Variants in PPARA observed in about 807,000 individuals in gnomAD.
The protein encoded by PPARA is peroxisome proliferator-activated receptor alpha.
PPARA carries 22 observed loss-of-function variants against 42.2 expected under a neutral mutation model. That is an observed-to-expected ratio of 0.52 (90% CI 0.37 to 0.74). PPARA has a LOEUF of 0.74. Ranked by LOEUF, PPARA falls within the 30% of genes least tolerant of loss-of-function variation. PPARA has a pLI of 0.00. For missense variants in PPARA, 465 were observed against 608.2 expected, an observed-to-expected ratio of 0.76 and a Z score of 2.48; for synonymous variants, 242 against 239.3, an observed-to-expected ratio of 1.01 and a Z score of -0.10.
chr22:46,195,068 A>T lies in PPARA; in HGVS notation c.-42-3274A>T, dbSNP rs1001589322. ...CAGGCGCCTACCACCACGCCCGGCT[A>T]ATTTTTGTATTTTTAGTAGAGACGG... On this transcript the variant is annotated intron_variant, in intron 3 of 8. Coordinates refer to ENST00000407236, the MANE Select transcript of PPARA (RefSeq NM_005036.6). The surrounding 1 kb of genome is among the most constrained non-coding windows in gnomAD (Gnocchi z 4.6). Among the ~76,000 whole-genome samples, 1 of 139,532 alleles carries T rather than the reference A, an allele frequency of 7.2e-6. No homozygotes were observed. Among genetic ancestry groups the T allele is most frequent in the Non-Finnish European group, 1.5e-5 (1 of 64,876 alleles). The allele number at this position is 139,532 out of a possible 152,430, so 91.5% of individuals were successfully genotyped here.
chr22:46,205,378 G>A (rs546202872), intron 4 of PPARA, among the ~76,000 whole-genome samples: 29 of 149,660 alleles, frequency 1.9e-4, no homozygotes, highest in South Asian at 4.3e-4. Context: ...CACCATGCCC[G>A]GGTAAGTTTT....
rs1770770146 is a variant in PPARA, at chr22:46,163,702, GAGAC to G, written c.-127+11735_-127+11738del. 6.6e-6 allele frequency: 1 copy of G among 152,246 alleles called. No individual in the cohort carries two copies. Among genetic ancestry groups the G allele is most frequent in the African/African-American group, 2.4e-5 (1 of 41,454 alleles). 9.4% of individuals were successfully genotyped at this position (152,246 alleles called of 1,614,324 possible). A position where few individuals can be genotyped will look rare whatever the true frequency, so the allele number is the denominator to read the frequency against. On this transcript the variant is annotated intron_variant, in intron 2 of 8. Transcript: ENST00000407236. This position sits in a 1 kb window ranked among gnomAD's most constrained non-coding sequence, Gnocchi z 4.9. ...TTGCCCAGCCAGGGCGGTGGGGAGG[GAGAC>G]AGCCACATCCTGCCCGGGGCTCCTG...
chr22:46,199,804 C>T (rs1569220810), intron 4 of PPARA, among the ~76,000 whole-genome samples: 1 of 152,164 alleles, frequency 6.6e-6, no homozygotes, highest in Non-Finnish European at 1.5e-5. Context: ...CCCACTACAA[C>T]GTCCATCTTC....
chr22:46,184,048 T>C lies in PPARA; in HGVS notation c.-43+7212T>C, dbSNP rs536194502. Among the ~76,000 whole-genome samples the C allele has an allele frequency of 9.2e-5, 14 of 152,288 alleles. No homozygotes were observed. The highest frequency in any genetic ancestry group is 3.1e-4 in the African/African-American group (13 of 41,564). Reference sequence around the variant, plus strand: ...TTGCTGTTACCAGGAAGTGAGTTAATGCACATTAGGTTCTTATTTATGACA... The same window carrying C: ...TTGCTGTTACCAGGAAGTGAGTTAACGCACATTAGGTTCTTATTTATGACA... On this transcript the variant is annotated intron_variant, in intron 3 of 8. Coordinates refer to ENST00000407236, the MANE Select transcript of PPARA (RefSeq NM_005036.6). The surrounding 1 kb of genome is among the most constrained non-coding windows in gnomAD (Gnocchi z 4.4).
intron 2 of PPARA, among the ~76,000 whole-genome samples, chr22:46,154,463 C>G (rs1328078444): frequency 6.6e-6 from 1 of 151,898 alleles, no homozygotes; most frequent in Non-Finnish European, 1.5e-5. Flanking sequence ...ACTAAAAATA[C>G]AAAAATTAGC....
In PPARA at chr22:46,221,019, G is replaced by A. The variant is rs1310322721; in HGVS notation, c.711+1005G>A. ...TGCTATAAAGAAATCCCTGAGACCT[G>A]GTAATTTATAAAGAAAAGAGGTTTA... On this transcript the variant is annotated intron_variant, in intron 7 of 8. Transcript: ENST00000407236. The surrounding 1 kb of genome is among the most constrained non-coding windows in gnomAD (Gnocchi z 5.9). Among the ~76,000 whole-genome samples the A allele has an allele frequency of 6.6e-6, 1 of 151,464 alleles. No individual in the cohort carries two copies. Among genetic ancestry groups the A allele is most frequent in the Non-Finnish European group, 1.5e-5 (1 of 67,992 alleles).
At chr22:46,175,435 C>A (rs888660167) in intron 2 of PPARA, among the ~76,000 whole-genome samples, 1 of 151,954 alleles carries the variant, frequency 6.6e-6, no homozygotes, top group South Asian at 2.1e-4. Flanking sequence ...TCACATAGGC[C>A]GGGCGCGGTG....
In PPARA at chr22:46,212,220, C is replaced by G. The variant is rs562061918; in HGVS notation, c.209-2953C>G. Among the ~76,000 whole-genome samples the G allele has an allele frequency of 6.6e-6, 1 of 151,678 alleles. No homozygotes were observed. Among genetic ancestry groups the G allele is most frequent in the Non-Finnish European group, 1.5e-5 (1 of 67,966 alleles). On this transcript the variant is annotated intron_variant, in intron 4 of 8. Coordinates refer to ENST00000407236, the MANE Select transcript of PPARA (RefSeq NM_005036.6). This position sits in a 1 kb window ranked among gnomAD's most constrained non-coding sequence, Gnocchi z 4.2. ...TACAGGTGCACACCGCTGAGCCCAG[C>G]AAATTTTTGTATTTTTTGTAAAGAT... is the stretch of plus-strand genomic sequence containing the variant.
rs71192405 is a variant in PPARA, at chr22:46,232,981, CAAA to C, written c.1159+760_1159+762del. Reference sequence around the variant, plus strand: ...TGGGCGACGAAGAATGACCCTGTCTCAAAAAAAAAAAAAAAAAAAATTATACAC... The same window carrying C: ...TGGGCGACGAAGAATGACCCTGTCTCAAAAAAAAAAAAAAAAATTATACAC... On this transcript the variant is annotated intron_variant, in intron 8 of 8. Transcript: ENST00000407236. The surrounding 1 kb of genome is among the most constrained non-coding windows in gnomAD (Gnocchi z 5.3). Among the ~76,000 whole-genome samples the C allele has an allele frequency of 1.6e-3, 153 of 93,582 alleles. No individual in the cohort carries two copies. The highest frequency in any genetic ancestry group is 4.5e-3 in the African/African-American group (125 of 28,088). 61.4% of individuals were successfully genotyped at this position (93,582 alleles called of 152,430 possible). A position where few individuals can be genotyped will look rare whatever the true frequency, so the allele number is the denominator to read the frequency against.
At chr22:46,206,836 G>C (rs1359063171) in intron 4 of PPARA, among the ~76,000 whole-genome samples, 2 of 152,046 alleles carry the variant, frequency 1.3e-5, no homozygotes, top group Non-Finnish European at 2.9e-5. Context: ...AAGACTTCCT[G>C]TGATATTATC....
rs1022643691 is a variant in PPARA at position 46,234,813 on chromosome 22, G to A, written c.1160-320G>A. On this transcript the variant is annotated intron_variant, in intron 8 of 8. Coordinates refer to ENST00000407236, the MANE Select transcript of PPARA (RefSeq NM_005036.6). This position sits in a 1 kb window ranked among gnomAD's most constrained non-coding sequence, Gnocchi z 5.8. ...CCAGAATGTACTGTTCCTCCTACTA[G>A]CTCTAATTTTTCTCCCTGACAGGTG... 1.3e-5 allele frequency among the ~76,000 whole-genome samples: 2 copies of A among 152,136 alleles called. No individual in the cohort carries two copies. The highest frequency in any genetic ancestry group is 2.1e-4 in the South Asian group (1 of 4,828).
chr22:46,212,120 A>G lies in PPARA; in HGVS notation c.209-3053A>G. On this transcript the variant is annotated intron_variant, in intron 4 of 8. Coordinates refer to ENST00000407236, the MANE Select transcript of PPARA (RefSeq NM_005036.6). This position sits in a 1 kb window ranked among gnomAD's most constrained non-coding sequence, Gnocchi z 4.2. ...CAGGCTGGAGTACAGTGGCAGCATA[A>G]TCTCAGCTCACTGTAGCCTCAGCCT... Among the ~76,000 whole-genome samples the G allele has an allele frequency of 6.6e-6, 1 of 151,760 alleles. No individual in the cohort carries two copies.
chr22:46,163,527 C>T lies in PPARA; in HGVS notation c.-127+11557C>T, dbSNP rs1349092296. 2 of 152,266 alleles carry T rather than the reference C, an allele frequency of 1.3e-5. No homozygotes were observed. Among genetic ancestry groups the T allele is most frequent in the Non-Finnish European group, 2.9e-5 (2 of 68,048 alleles). 9.4% of individuals were successfully genotyped at this position (152,266 alleles called of 1,614,324 possible). ...CAGTCACATAAGCGGGAAGAGCAGG[C>T]TCCTGGCTGTGGCGAGCTTGACTCC... On this transcript the variant is annotated intron_variant, in intron 2 of 8. Transcript: ENST00000407236. The surrounding 1 kb of genome is among the most constrained non-coding windows in gnomAD (Gnocchi z 4.9).
intron 4 of PPARA, among the ~76,000 whole-genome samples, chr22:46,214,578 G>C (rs555098461): frequency 2.0e-5 from 3 of 147,946 alleles, no homozygotes; most frequent in African/African-American, 5.0e-5. Context: ...GAGATGTGGG[G>C]GTCCGGAGAT....
At chr22:46,228,683 C>G (rs762737067) in intron 7 of PPARA, among the ~76,000 whole-genome samples, 1 of 152,196 alleles carries the variant, frequency 6.6e-6, no homozygotes, top group African/African-American at 2.4e-5. Flanking sequence ...CTGTAGGAAC[C>G]CCTGCTTATC....
chr22:46,174,103 A>C (rs546838019), intron 2 of PPARA, among the ~76,000 whole-genome samples: 13 of 150,922 alleles, frequency 8.6e-5, no homozygotes, highest in African/African-American at 2.4e-4. Context: ...GCTTGAACCC[A>C]GGAGGCAGAG....
At position 46,182,295 on chromosome 22, in the gene PPARA, T is replaced by G. The variant is rs1044941787; in HGVS notation, c.-43+5459T>G. Among the ~76,000 whole-genome samples, 2 of 152,226 alleles carry G rather than the reference T, an allele frequency of 1.3e-5. No individual in the cohort carries two copies. The highest frequency in any genetic ancestry group is 4.8e-5 in the African/African-American group (2 of 41,454). ...TGCTTTATTTATAATAGCTCAGACTTGGAAACCATTCAGATGCCATTAATA... is the reference window on the plus strand; with the variant it reads ...TGCTTTATTTATAATAGCTCAGACTGGGAAACCATTCAGATGCCATTAATA... On this transcript the variant is annotated intron_variant, in intron 3 of 8. Coordinates refer to ENST00000407236, the MANE Select transcript of PPARA (RefSeq NM_005036.6). The surrounding 1 kb of genome is among the most constrained non-coding windows in gnomAD (Gnocchi z 5.2).
chr22:46,185,261 A>G lies in PPARA; in HGVS notation c.-43+8425A>G, dbSNP rs4253693. 3.4e-3 allele frequency among the ~76,000 whole-genome samples: 510 copies of G among 152,212 alleles called. 6 individuals are homozygous for G. The highest frequency in any genetic ancestry group is 0.012 in the African/African-American group (498 of 41,516). ...TTCCAACCCTTCTATTAGGTTTGCA[A>G]TTGAGTTTGTAATTCCCTAGAAAAG... is the stretch of plus-strand genomic sequence containing the variant. On this transcript the variant is annotated intron_variant, in intron 3 of 8. Coordinates refer to ENST00000407236, the MANE Select transcript of PPARA (RefSeq NM_005036.6).
In PPARA at chr22:46,150,855, G is replaced by A. The variant is rs1924306001; in HGVS notation, c.-210+203G>A. ...GCGCGGCTGGGGACCTGAGGGCGAG[G>A]AGCGAGGACACACACCGAGGACTCT... On this transcript the variant is annotated intron_variant, in intron 1 of 8. Coordinates refer to ENST00000407236, the MANE Select transcript of PPARA (RefSeq NM_005036.6). The surrounding 1 kb of genome is among the most constrained non-coding windows in gnomAD (Gnocchi z 7.5). The A allele has an allele frequency of 6.6e-6, 1 of 152,012 alleles. No individual in the cohort carries two copies. The highest frequency in any genetic ancestry group is 2.4e-5 in the African/African-American group (1 of 41,386). The allele number at this position is 152,012 out of a possible 1,614,324, so 9.4% of individuals were successfully genotyped here.
Sources: gnomAD v4.1 joint callset for allele counts (sites outside exome capture counted in the v4.1 genomes callset) on GRCh38, gnomAD v4.1.1 for gene constraint, Gnocchi (gnomAD v3.1) non-coding constraint, MANE v1.5 for transcripts, NCBI Gene and HGNC (gene_info 2026-07-23, HGNC 2026-07-21) for gene names.